Variants in ZNF804B observed in about 807,000 individuals in gnomAD.
ZNF804B encodes zinc finger protein 804B.
Under a neutral mutation model 101.4 loss-of-function variants are expected in ZNF804B, and 80 were observed. The observed-to-expected ratio is 0.79, with a 90% confidence interval of 0.66 to 0.95. The LOEUF is 0.95. Among genes scored for constraint, ZNF804B ranks in the 40% least tolerant of loss-of-function variants. The probability of loss-of-function intolerance (pLI) is 0.00; values close to 1 mark genes in which losing one functional copy is unlikely to be tolerated. For synonymous variants in ZNF804B, 622 were observed against 558.8 expected, an observed-to-expected ratio of 1.11 and a Z score of -1.59; for missense variants, 1,673 against 1,561.9, an observed-to-expected ratio of 1.07 and a Z score of -1.20.
intron 2 of ZNF804B, among the ~76,000 whole-genome samples, chr7:89,318,854 CA>C (rs113434182): frequency 0.088 from 13,462 of 152,186 alleles, 717 homozygotes; most frequent in Non-Finnish European, 0.12. Flanking sequence ...AGTGGGAAAT[CA>C]GGGGTCTCAC....
chr7:88,878,476 T>C (rs569677071), intron 1 of ZNF804B, among the ~76,000 whole-genome samples: 2 of 152,284 alleles, frequency 1.3e-5, no homozygotes, highest in East Asian at 1.9e-4. Flanking sequence ...AAAACAGATA[T>C]AATAAGGGTG....
intron 1 of ZNF804B, among the ~76,000 whole-genome samples, chr7:88,964,090 A>G (rs1793424352): frequency 6.6e-6 from 1 of 151,446 alleles, no homozygotes; most frequent in Non-Finnish European, 1.5e-5. Context: ...TGGGAATGCA[A>G]AATGGTGCAG....
In ZNF804B at chr7:89,327,281, T is replaced by G. The variant is rs1307030654; in HGVS notation, c.250-63T>G. 4.1e-6 allele frequency: 6 copies of G among 1,461,964 alleles called. No individual in the cohort carries two copies. In the African/African-American group the frequency reaches 8.7e-5, roughly 21 times the overall value. 90.6% of individuals were successfully genotyped at this position (1,461,964 alleles called of 1,614,324 possible). A position where few individuals can be genotyped will look rare whatever the true frequency, so the allele number is the denominator to read the frequency against. ...TAGGATAAAGAATAATAAGGAGCCT[T>G]GTGGATGGAAAAGAATATATTATTT... is the stretch of plus-strand genomic sequence containing the variant. On this transcript the variant is annotated intron_variant, in intron 2 of 3. Coordinates refer to ENST00000333190, the MANE Select transcript of ZNF804B (RefSeq NM_181646.5).
intron 1 of ZNF804B, among the ~76,000 whole-genome samples, chr7:88,801,849 G>A (rs570713786): frequency 6.6e-6 from 1 of 152,048 alleles, no homozygotes; most frequent in Non-Finnish European, 1.5e-5. Context: ...TTCAAGGGAG[G>A]AAAAATAGTT....
rs541721966 is a variant in ZNF804B, at chr7:88,976,496, CTTATTGTCAATGAGATTATT to C, written c.108+216415_108+216434del. 4.2e-4 allele frequency among the ~76,000 whole-genome samples: 63 copies of C among 151,338 alleles called. No individual in the cohort carries two copies. The South Asian group carries it at 0.012, about 29-fold the overall frequency. On this transcript the variant is annotated intron_variant, in intron 1 of 3. Coordinates refer to ENST00000333190, the MANE Select transcript of ZNF804B (RefSeq NM_181646.5). The stretch of plus-strand genomic sequence containing the variant: ...TCCCAGATACTTGATTTTATTTGTA[CTTATTGTCAATGAGATTATT>C]TTTACATTTCTTTTTCAGACTGTTC...
intron 1 of ZNF804B, among the ~76,000 whole-genome samples, chr7:88,929,128 G>A (rs1197459829): frequency 6.6e-6 from 1 of 151,876 alleles, no homozygotes; most frequent in Non-Finnish European, 1.5e-5. Context: ...TCCTAGATAA[G>A]CTCTCTTTAT....
chr7:89,250,158 G>C (rs1789516869), intron 2 of ZNF804B, among the ~76,000 whole-genome samples: 1 of 152,006 alleles, frequency 6.6e-6, no homozygotes, highest in Non-Finnish European at 1.5e-5. Context: ...CTGCACTCCA[G>C]CCTGGGTGAC....
chr7:89,207,117 T>A (rs1788725462), intron 1 of ZNF804B, among the ~76,000 whole-genome samples: 3 of 152,206 alleles, frequency 2.0e-5, no homozygotes, highest in African/African-American at 7.2e-5. Context: ...CCCTCCAAAT[T>A]ATTTGAACTT....
intron 2 of ZNF804B, among the ~76,000 whole-genome samples, chr7:89,272,455 A>G (rs1368955562): frequency 2.0e-5 from 3 of 152,126 alleles, no homozygotes; most frequent in Non-Finnish European, 4.4e-5. Flanking sequence ...TTGTTCCATA[A>G]AACACAGATA....
At chr7:89,136,736 A>AGTGTGTGT (rs3059353) in intron 1 of ZNF804B, among the ~76,000 whole-genome samples, 1 of 145,574 alleles carries the variant, frequency 6.9e-6, no homozygotes, top group South Asian at 2.2e-4. Context: ...TGTGTGTGTG[A>AGTGTGTGT]GTGTGTGTGT....
intron 2 of ZNF804B, among the ~76,000 whole-genome samples, chr7:89,298,334 C>A: frequency 7.0e-6 from 1 of 142,858 alleles, no homozygotes; most frequent in Admixed American, 7.3e-5. Context: ...TGGTTTGCTG[C>A]ACCCATCAAC....
intron 1 of ZNF804B, among the ~76,000 whole-genome samples, chr7:88,782,425 GTTTC>G (rs1162219748): frequency 6.6e-6 from 1 of 151,714 alleles, no homozygotes; most frequent in East Asian, 1.9e-4. Flanking sequence ...ATCTTAATTG[GTTTC>G]TTTATTTCAA....
intron 1 of ZNF804B, among the ~76,000 whole-genome samples, chr7:89,054,596 G>A (rs894376190): frequency 6.6e-6 from 1 of 151,974 alleles, no homozygotes; most frequent in Non-Finnish European, 1.5e-5. Flanking sequence ...TAAGCACTGA[G>A]TAAGCTTTTT....
At position 89,224,767 on chromosome 7, in the gene ZNF804B, T is replaced by C. The variant is rs1338871487; in HGVS notation, c.249+6472T>C. On this transcript the variant is annotated intron_variant, in intron 2 of 3. Coordinates refer to ENST00000333190, the MANE Select transcript of ZNF804B (RefSeq NM_181646.5). ...GTGTGTGTGTATGAGTGTGTGTGTGTGTGTATCCTGGAATCACCCAGCAGT... is the reference window on the plus strand; with the variant it reads ...GTGTGTGTGTATGAGTGTGTGTGTGCGTGTATCCTGGAATCACCCAGCAGT... Among the ~76,000 whole-genome samples the C allele has an allele frequency of 4.6e-5, 7 of 151,276 alleles. No homozygotes were observed. The East Asian group carries it at 1.4e-3, about 29-fold the overall frequency.
At chr7:89,081,614 A>T (rs986075968) in intron 1 of ZNF804B, among the ~76,000 whole-genome samples, 3 of 151,824 alleles carry the variant, frequency 2.0e-5, no homozygotes, top group Non-Finnish European at 4.4e-5. Flanking sequence ...TAAGCAAATT[A>T]AATGAAGACC....
chr7:89,299,742 A>G (rs986057718), intron 2 of ZNF804B, among the ~76,000 whole-genome samples: 4 of 151,980 alleles, frequency 2.6e-5, no homozygotes, highest in African/African-American at 9.7e-5. Context: ...TTGTCCTAAG[A>G]GACTGAGGGT....
chr7:89,023,982 G>A (rs1788707837), intron 1 of ZNF804B, among the ~76,000 whole-genome samples: 1 of 152,176 alleles, frequency 6.6e-6, no homozygotes, highest in Non-Finnish European at 1.5e-5. Flanking sequence ...CTGCCAAGTG[G>A]AAGGTGTCTA....
At chr7:88,926,154 A>G (rs979216447) in intron 1 of ZNF804B, among the ~76,000 whole-genome samples, 1 of 152,178 alleles carries the variant, frequency 6.6e-6, no homozygotes, top group Non-Finnish European at 1.5e-5. Context: ...TGCATTCTGG[A>G]TGTTAAGCTG....
intron 1 of ZNF804B, among the ~76,000 whole-genome samples, chr7:89,054,871 A>C (rs1433216180): frequency 3.9e-5 from 6 of 151,978 alleles, no homozygotes; most frequent in Non-Finnish European, 8.8e-5. Flanking sequence ...CTTTAAAACT[A>C]CATTTTGAAT....
Sources: gnomAD v4.1 joint callset for allele counts (sites outside exome capture counted in the v4.1 genomes callset) on GRCh38, gnomAD v4.1.1 for gene constraint, MANE v1.5 for transcripts, NCBI Gene and HGNC (gene_info 2026-07-23, HGNC 2026-07-21) for gene names.